GALNT17: variants seen among roughly 807,000 people sequenced by gnomAD.
GALNT17 encodes polypeptide N-acetylgalactosaminyltransferase 17.
A neutral mutation model predicts 63.7 loss-of-function variants in GALNT17; 29 were observed. The observed-to-expected ratio is 0.46, with a 90% CI of 0.34 to 0.62. The LOEUF (loss-of-function observed/expected upper bound fraction) is 0.62. Among genes scored for constraint, GALNT17 ranks in the 20% least tolerant of loss-of-function variants. The pLI is 0.01. For synonymous variants in GALNT17, 305 were observed against 318.3 expected (o/e 0.96, Z 0.45); for missense variants, 603 against 799.6 (o/e 0.75, Z 2.97).
rs1194810038 is a variant in GALNT17 at position 71,713,164 on chromosome 7, C to CGCGTGTGCATGCACAAGTGT, written c.*1020_*1039dup. 2.0e-5 allele frequency: 3 copies of CGCGTGTGCATGCACAAGTGT among 152,668 alleles called. No homozygotes were observed. Among genetic ancestry groups the CGCGTGTGCATGCACAAGTGT allele is most frequent in the Non-Finnish European group, 4.4e-5 (3 of 68,106 alleles). The allele number at this position is 152,668 out of a possible 1,614,324, so 9.5% of individuals were successfully genotyped here. A position where few individuals can be genotyped will look rare whatever the true frequency, so the allele number is the denominator to read the frequency against. On this transcript the variant is annotated 3_prime_UTR_variant, in exon 11 of 11. Coordinates refer to ENST00000333538, the MANE Select transcript of GALNT17 (RefSeq NM_022479.3). The stretch of plus-strand genomic sequence containing the variant: ...ATATAAATCAGAGTTAATATATGAA[C>CGCGTGTGCATGCACAAGTGT]GCGTGTGCATGCACAAGTGTGTGTG...
chr7:71,524,653 T>C (rs1365391711), intron 5 of GALNT17, among the ~76,000 whole-genome samples: 1 of 152,212 alleles, frequency 6.6e-6, no homozygotes, highest in Non-Finnish European at 1.5e-5. Flanking sequence ...TCTGTGTTAG[T>C]TTTATAAAAA....
At chr7:71,699,682 C>T (rs762420716) in intron 9 of GALNT17, among the ~76,000 whole-genome samples, 4 of 151,480 alleles carry the variant, frequency 2.6e-5, no homozygotes, top group Non-Finnish European at 5.9e-5. Context: ...GCCTGTAATC[C>T]CAACACTTTG....
intron 6 of GALNT17, among the ~76,000 whole-genome samples, chr7:71,642,056 C>A (rs924521478): frequency 6.6e-6 from 1 of 152,188 alleles, no homozygotes; most frequent in Non-Finnish European, 1.5e-5. Flanking sequence ...GCTGTCCCCC[C>A]ACTATGGGAC....
chr7:71,433,612 T>C (rs1349613837), intron 5 of GALNT17, among the ~76,000 whole-genome samples: 1 of 152,184 alleles, frequency 6.6e-6, no homozygotes, highest in African/African-American at 2.4e-5. Flanking sequence ...CACAATGGCC[T>C]GGAACGTTTC....
At chr7:71,439,157 G>A (rs1787021186) in intron 5 of GALNT17, among the ~76,000 whole-genome samples, 2 of 152,116 alleles carry the variant, frequency 1.3e-5, no homozygotes, top group Admixed American at 1.3e-4. Context: ...CCAAAGTGCT[G>A]GGATTACTTT....
chr7:71,387,324 T>G (rs1792964131), intron 2 of GALNT17, among the ~76,000 whole-genome samples: 1 of 151,402 alleles, frequency 6.6e-6, no homozygotes, highest in African/African-American at 2.4e-5. Context: ...TGGTGTTCTT[T>G]TTTTGGGGGG....
At chr7:71,396,679 T>A (rs1793144891) in intron 3 of GALNT17, among the ~76,000 whole-genome samples, 1 of 152,198 alleles carries the variant, frequency 6.6e-6, no homozygotes, top group Non-Finnish European at 1.5e-5. Context: ...TTGTTGGGAT[T>A]GTATTATATG....
intron 5 of GALNT17, among the ~76,000 whole-genome samples, chr7:71,547,052 T>C (rs12112259): frequency 0.25 from 38,278 of 151,630 alleles, 6,578 homozygotes; most frequent in African/African-American, 0.49. Context: ...AGTGCAGTGG[T>C]GTGATCCTGG....
intron 3 of GALNT17, among the ~76,000 whole-genome samples, chr7:71,400,221 A>T (rs575267852): frequency 1.3e-5 from 2 of 150,586 alleles, no homozygotes; most frequent in Non-Finnish European, 3.0e-5. Context: ...TCATTGTTCA[A>T]CTCTCCCTTA....
chr7:71,240,103 G>A (rs574862874), intron 1 of GALNT17, among the ~76,000 whole-genome samples: 36 of 152,260 alleles, frequency 2.4e-4, no homozygotes, highest in African/African-American at 7.0e-4. Flanking sequence ...AGGGTGGAAC[G>A]TTAAAAGCTT....
chr7:71,196,932 G>T (rs1406848233), intron 1 of GALNT17, among the ~76,000 whole-genome samples: 1 of 151,934 alleles, frequency 6.6e-6, no homozygotes, highest in Non-Finnish European at 1.5e-5. Context: ...GGGATTACAG[G>T]TGTGAGCCAC....
chr7:71,391,674 A>G (rs1490307390), intron 3 of GALNT17, among the ~76,000 whole-genome samples: 3 of 151,852 alleles, frequency 2.0e-5, no homozygotes, highest in African/African-American at 4.8e-5. Flanking sequence ...TTTTGTAGAG[A>G]TGGGGTTTTG....
intron 6 of GALNT17, among the ~76,000 whole-genome samples, chr7:71,620,181 T>A (rs1790270378): frequency 1.3e-5 from 2 of 152,222 alleles, no homozygotes; most frequent in Non-Finnish European, 2.9e-5. Flanking sequence ...TGCTGCTGAA[T>A]TCAGTTTGCT....
chr7:71,701,477 ACT>A (rs1206629216), intron 9 of GALNT17, among the ~76,000 whole-genome samples: 3 of 151,582 alleles, frequency 2.0e-5, no homozygotes, highest in Non-Finnish European at 4.4e-5. Context: ...ACAGAGTGAG[ACT>A]CTATCTCAAA....
At chr7:71,250,821 C>T (rs892936997) in intron 1 of GALNT17, among the ~76,000 whole-genome samples, 3 of 152,210 alleles carry the variant, frequency 2.0e-5, no homozygotes, top group African/African-American at 7.2e-5. Flanking sequence ...TCCCTGAGCA[C>T]AGCAAACCTG....
chr7:71,509,280 T>C (rs6948120), intron 5 of GALNT17, among the ~76,000 whole-genome samples: 36,295 of 152,150 alleles, frequency 0.24, 4,466 homozygotes, highest in Middle Eastern at 0.36. Context: ...TAATATAGCC[T>C]AGGCTAAGCT....
chr7:71,614,809 TAGAG>T (rs138002735), intron 6 of GALNT17, among the ~76,000 whole-genome samples: 5,592 of 134,066 alleles, frequency 0.042, 355 homozygotes, highest in African/African-American at 0.15. Context: ...AAAAAAGTAA[TAGAG>T]AAAGAGAGAG....
chr7:71,444,475 G>A (rs1012416959), intron 5 of GALNT17, among the ~76,000 whole-genome samples: 9 of 150,290 alleles, frequency 6.0e-5, no homozygotes, highest in Middle Eastern at 3.4e-3. Context: ...CACACCCACC[G>A]TGGAAAACAG....
chr7:71,572,083 G>A (rs1789452674), intron 6 of GALNT17, among the ~76,000 whole-genome samples: 2 of 151,828 alleles, frequency 1.3e-5, no homozygotes, highest in South Asian at 4.2e-4. Context: ...TTATTGAGAT[G>A]TTATTGACAT....
Sources: allele counts gnomAD v4.1 joint callset (sites outside exome capture counted in the v4.1 genomes callset), GRCh38; gene constraint gnomAD v4.1.1; transcripts MANE v1.5; gene names NCBI Gene and HGNC (gene_info 2026-07-23, HGNC 2026-07-21).